Variants in TMEFF1 observed in about 807,000 individuals in gnomAD.
The protein encoded by TMEFF1 is transmembrane protein with EGF like and two follistatin like domains 1, also known as tomoregulin-1.
TMEFF1 carries 20 observed loss-of-function variants against 47.5 expected under a neutral mutation model. The observed-to-expected ratio is 0.42, with a 90% confidence interval of 0.30 to 0.61. TMEFF1 has a LOEUF of 0.61. TMEFF1 is among the 20% of genes least tolerant of loss of function. The pLI, the probability that TMEFF1 is intolerant of heterozygous loss-of-function variation, is 0.19. For missense variants in TMEFF1, 411 were observed against 471.1 expected, an observed-to-expected ratio of 0.87 and a Z score of 1.18; for synonymous variants, 162 against 166.3, an observed-to-expected ratio of 0.97 and a Z score of 0.20.
chr9:100,543,746 CAA>C (rs1187279524), intron 5 of TMEFF1, among the ~76,000 whole-genome samples: 5 of 147,658 alleles, frequency 3.4e-5, no homozygotes, highest in South Asian at 2.2e-4. Context: ...CACACACACA[CAA>C]ATCTCATAAT....
chr9:100,531,441 C>T (rs891777199), intron 5 of TMEFF1, among the ~76,000 whole-genome samples: 2 of 152,012 alleles, frequency 1.3e-5, no homozygotes, highest in Non-Finnish European at 2.9e-5. Context: ...TATACACCAA[C>T]AACAGACAAA....
At chr9:100,500,971 G>A (rs1837745349) in intron 2 of TMEFF1, among the ~76,000 whole-genome samples, 1 of 152,194 alleles carries the variant, frequency 6.6e-6, no homozygotes, top group South Asian at 2.1e-4. Flanking sequence ...TGCCCCATGT[G>A]TGGTTTAGGG....
chr9:100,509,053 C>A lies in TMEFF1; in HGVS notation c.355C>A (p.Gln119Lys). The change falls in exon 3 of 10, where the codon CAA becomes AAA. Residue 119 changes from glutamine to lysine, a missense_variant. Physicochemically the swap from Gln to Lys is moderately conservative, Grantham distance 53 (BLOSUM62 1). Transcript: ENST00000374879. Reference protein sequence around the residue: ...PVCGSNGDTYQNECFLRRAAC... With the variant: ...PVCGSNGDTYKNECFLRRAAC... ...CTGTGGATCAAATGGGGACACTTAT[C>A]AAAATGAATGCTTTCTCAGAAGGGC... 1.9e-6 allele frequency: 3 copies of A among 1,603,942 alleles called. No homozygotes were observed. Among genetic ancestry groups the A allele is most frequent in the Non-Finnish European group, 2.6e-6 (3 of 1,176,178 alleles).
chr9:100,517,667 A>G (rs1044637188), intron 5 of TMEFF1, among the ~76,000 whole-genome samples: 13 of 152,332 alleles, frequency 8.5e-5, no homozygotes, highest in African/African-American at 3.1e-4. Flanking sequence ...AAAGACAAGT[A>G]AGTTCAATAA....
chr9:100,508,933 C>A (rs1837912187), intron 2 of TMEFF1, 72 bp from the exon 3 acceptor site: 1 of 1,416,864 alleles, frequency 7.1e-7, no homozygotes, highest in Admixed American at 2.7e-5. Flanking sequence ...TATGGTATTG[C>A]ATTCATGAAT....
chr9:100,575,319 A>G (rs1172060274), intron 9 of TMEFF1, among the ~76,000 whole-genome samples: 1 of 151,820 alleles, frequency 6.6e-6, no homozygotes, highest in Admixed American at 6.6e-5. Context: ...ATATTTTCAG[A>G]CTCATAGAAT....
chr9:100,562,664 G>C (rs2118551436), intron 8 of TMEFF1, among the ~76,000 whole-genome samples: 1 of 147,200 alleles, frequency 6.8e-6, no homozygotes, highest in Middle Eastern at 3.5e-3. Context: ...GTTTTGTTTT[G>C]TTTTGTTTTG....
chr9:100,561,252 C>T (rs777056685), intron 7 of TMEFF1, 145 bp from the exon 8 acceptor site: 102 of 1,383,828 alleles, frequency 7.4e-5, no homozygotes, highest in Non-Finnish European at 9.7e-5. Flanking sequence ...TCTTATCTAA[C>T]CCCCTATCTG....
At chr9:100,526,753 T>C (rs1053221647) in intron 5 of TMEFF1, among the ~76,000 whole-genome samples, 3 of 151,864 alleles carry the variant, frequency 2.0e-5, no homozygotes, top group Admixed American at 6.6e-5. Context: ...TTTAATGTTA[T>C]GTGGCCTTTT....
chr9:100,492,374 A>G (rs190995789), intron 1 of TMEFF1, among the ~76,000 whole-genome samples: 24 of 152,346 alleles, frequency 1.6e-4, no homozygotes, highest in African/African-American at 5.5e-4. Flanking sequence ...TTTCACTCAT[A>G]TGAAATGTTG....
intron 5 of TMEFF1, among the ~76,000 whole-genome samples, chr9:100,518,784 A>G (rs1838113117): frequency 6.6e-6 from 1 of 152,086 alleles, no homozygotes; most frequent in Admixed American, 6.6e-5. Context: ...GTACCAAGAA[A>G]GTTATATAGT....
At chr9:100,542,513 T>A (rs958478788) in intron 5 of TMEFF1, among the ~76,000 whole-genome samples, 6 of 152,248 alleles carry the variant, frequency 3.9e-5, no homozygotes, top group African/African-American at 7.2e-5. Flanking sequence ...TATTTTACCC[T>A]TATTCTCAAA....
chr9:100,545,901 C>T (rs1306966057), intron 5 of TMEFF1, among the ~76,000 whole-genome samples: 1 of 152,210 alleles, frequency 6.6e-6, no homozygotes, highest in Non-Finnish European at 1.5e-5. Flanking sequence ...AGTCACTTTG[C>T]TCCAGTTCCC....
At chr9:100,489,560 G>A (rs1837512999) in intron 1 of TMEFF1, among the ~76,000 whole-genome samples, 1 of 152,114 alleles carries the variant, frequency 6.6e-6, no homozygotes, top group Admixed American at 6.6e-5. Context: ...AGTAATACAA[G>A]TTTGTTGTAA....
intron 5 of TMEFF1, 83 bp from the exon 6 acceptor site, chr9:100,547,661 G>A: frequency 7.5e-7 from 1 of 1,340,368 alleles, no homozygotes; most frequent in South Asian, 2.4e-5. Flanking sequence ...GAAAGCAGAA[G>A]AAAGAATTGG....
chr9:100,544,304 C>G (rs1449269994), intron 5 of TMEFF1, among the ~76,000 whole-genome samples: 3 of 152,182 alleles, frequency 2.0e-5, no homozygotes. Context: ...ATTGGATTCA[C>G]AGTTCCATGT....
At chr9:100,532,900 A>G (rs1468789610) in intron 5 of TMEFF1, among the ~76,000 whole-genome samples, 6 of 152,124 alleles carry the variant, frequency 3.9e-5, no homozygotes. Context: ...ATGGAATACT[A>G]TGCAGCCATA....
At chr9:100,503,535 AACACACACACACAC>A (rs66485935) in intron 2 of TMEFF1, among the ~76,000 whole-genome samples, 39 of 144,048 alleles carry the variant, frequency 2.7e-4, no homozygotes, top group African/African-American at 4.1e-4. Flanking sequence ...GAGAAACAGA[AACACACACACACAC>A]ACACACACAC....
At chr9:100,547,076 T>G (rs1013355626) in intron 5 of TMEFF1, among the ~76,000 whole-genome samples, 3 of 152,184 alleles carry the variant, frequency 2.0e-5, no homozygotes, top group African/African-American at 7.2e-5. Flanking sequence ...AGTACAGTGG[T>G]GCAATTATGG....
Sources: allele counts gnomAD v4.1 joint callset (sites outside exome capture counted in the v4.1 genomes callset), GRCh38; gene constraint gnomAD v4.1.1; transcripts MANE v1.5; gene names NCBI Gene and HGNC (gene_info 2026-07-23, HGNC 2026-07-21).